Variants in EFR3A observed in about 807,000 individuals in gnomAD.
EFR3A encodes EFR3 homolog A.
In EFR3A, 76 loss-of-function variants were observed where a neutral mutation model predicts 104.4. That is an observed-to-expected ratio of 0.73 (90% CI 0.60 to 0.88). The LOEUF is 0.88. EFR3A is among the 40% of genes least tolerant of loss of function. EFR3A has a pLI of 0.00. For synonymous variants in EFR3A, 330 were observed against 330.0 expected (o/e 1.00, Z 0.00); for missense variants, 985 against 1,012.5 (o/e 0.97, Z 0.37).
chr8:131,944,742 T>C lies in EFR3A; in HGVS notation c.88-3T>C, dbSNP rs762250685. The stretch of plus-strand genomic sequence containing the variant: ...AATCTATTTATCTTGTTATTGTTTT[T>C]AGGATGGCCTTGTGAAAACTGATAT... On this transcript the variant is annotated splice_region_variant and splice_polypyrimidine_tract_variant and intron_variant, in intron 2 of 22. Coordinates refer to ENST00000254624, the MANE Select transcript of EFR3A (RefSeq NM_015137.6). 6 of 1,578,950 alleles carry C rather than the reference T, an allele frequency of 3.8e-6. No homozygotes were observed. Among genetic ancestry groups the C allele is most frequent in the East Asian group, 2.3e-5 (1 of 43,702 alleles).
At chr8:131,975,925 A>G in intron 10 of EFR3A, 102 bp from the exon 11 acceptor site, 2 of 665,348 alleles carry the variant, frequency 3.0e-6, no homozygotes, top group South Asian at 1.9e-5. Flanking sequence ...CTTGTGAGGG[A>G]TTGTTTTACC....
rs916740626 is a variant in EFR3A at position 131,986,335 on chromosome 8, A to G, written c.1937+74A>G. The stretch of plus-strand genomic sequence containing the variant: ...CCATCAGTAATAATTATAAAGGAGT[A>G]AATATTGTTACAATAATTCCTGGTG... On this transcript the variant is annotated intron_variant, in intron 17 of 22. Transcript: ENST00000254624. The G allele has an allele frequency of 1.1e-4, 78 of 688,708 alleles. 1 individual carries two copies. Among genetic ancestry groups the G allele is most frequent in the Non-Finnish European group, 1.4e-5 (6 of 415,034 alleles). 42.7% of individuals were successfully genotyped at this position (688,708 alleles called of 1,614,324 possible).
intron 5 of EFR3A, among the ~76,000 whole-genome samples, chr8:131,950,944 C>T (rs1033919373): frequency 6.6e-6 from 1 of 151,920 alleles, no homozygotes; most frequent in African/African-American, 2.4e-5. Flanking sequence ...TTAAGAAAGT[C>T]AAAATGACTT....
chr8:132,003,622 A>G (rs79450041), intron 22 of EFR3A, among the ~76,000 whole-genome samples: 5,452 of 152,286 alleles, frequency 0.036, 188 homozygotes, highest in African/African-American at 0.092. Context: ...CTCATATTGA[A>G]TCGTTTTGTC....
intron 1 of EFR3A, among the ~76,000 whole-genome samples, chr8:131,935,223 T>C (rs1412628066): frequency 6.6e-6 from 1 of 152,208 alleles, no homozygotes; most frequent in Non-Finnish European, 1.5e-5. Context: ...CAGTGTACTT[T>C]ATTGATTTTT....
At position 132,003,292 on chromosome 8, in the gene EFR3A, G is replaced by T. The variant is rs1300075020; in HGVS notation, c.2360+7G>T. ...TATTGGAACTCACCATACGGTAAGG[G>T]TTTTGTTATCACAATAGCAATAACA... On this transcript the variant is annotated splice_region_variant and intron_variant, in intron 22 of 22. Coordinates refer to ENST00000254624, the MANE Select transcript of EFR3A (RefSeq NM_015137.6). 20 of 1,611,086 alleles carry T rather than the reference G, an allele frequency of 1.2e-5. No homozygotes were observed. Among genetic ancestry groups the T allele is most frequent in the Admixed American group, 1.7e-5 (1 of 59,830 alleles).
rs397796331 is a variant in EFR3A, at chr8:131,940,480, A to ATT, written c.11-7_11-6dup. 8.1e-3 allele frequency: 11,085 copies of ATT among 1,367,964 alleles called. 9 individuals carry two copies. Among genetic ancestry groups the ATT allele is most frequent in the African/African-American group, 0.028 (1,869 of 67,554 alleles). The allele number at this position is 1,367,964 out of a possible 1,614,324, so 84.7% of individuals were successfully genotyped here. On this transcript the variant is annotated intron_variant, in intron 1 of 22. Transcript: ENST00000254624. The stretch of plus-strand genomic sequence containing the variant: ...ATATTAATAATATCTGTATTTCTTG[A>ATT]TTTTTTTTTTTTTAACAGGAGTATG...
chr8:131,974,185 G>A (rs1820212460), intron 10 of EFR3A, among the ~76,000 whole-genome samples: 1 of 152,146 alleles, frequency 6.6e-6, no homozygotes, highest in South Asian at 2.1e-4. Context: ...CTATGCATCA[G>A]CATGTTAAAA....
intron 1 of EFR3A, among the ~76,000 whole-genome samples, chr8:131,911,795 G>A (rs1401194222): frequency 2.0e-5 from 3 of 152,164 alleles, no homozygotes; most frequent in African/African-American, 4.8e-5. Context: ...AACTCAGCAA[G>A]GCCCATCTAG....
At chr8:131,993,423 C>A (rs889120462) in intron 18 of EFR3A, among the ~76,000 whole-genome samples, 1 of 152,028 alleles carries the variant, frequency 6.6e-6, no homozygotes, top group Non-Finnish European at 1.5e-5. Context: ...TGTCACATCC[C>A]CAGAAAGGGG....
intron 18 of EFR3A, 149 bp downstream of exon 18, chr8:131,987,851 G>GT (rs1319286494): frequency 1.2e-6 from 1 of 823,414 alleles, no homozygotes; most frequent in Non-Finnish European, 1.8e-6. Flanking sequence ...ATTTACTTCT[G>GT]TTTTTTAATT....
chr8:131,904,170 C>T lies in EFR3A; in HGVS notation c.-143C>T. 1.0e-6 allele frequency: 1 copy of T among 981,568 alleles called. No individual in the cohort carries two copies. The highest frequency in any genetic ancestry group is 1.3e-6 in the Non-Finnish European group (1 of 760,466). 60.8% of individuals were successfully genotyped at this position (981,568 alleles called of 1,614,324 possible). On this transcript the variant is annotated 5_prime_UTR_variant, in exon 1 of 23. Coordinates refer to ENST00000254624, the MANE Select transcript of EFR3A (RefSeq NM_015137.6). ...CTTGGTTGCGTGACCGCGGGGTCCG[C>T]GTCCGCTCCCTCCACCCTTCGCCCT...
At chr8:132,007,479 C>T (rs572510151) in intron 22 of EFR3A, among the ~76,000 whole-genome samples, 1 of 151,854 alleles carries the variant, frequency 6.6e-6, no homozygotes, top group South Asian at 2.1e-4. Flanking sequence ...AACACCTAAA[C>T]AAAGGAGAGA....
At chr8:131,941,175 T>G (rs1343289621) in intron 2 of EFR3A, among the ~76,000 whole-genome samples, 1 of 152,066 alleles carries the variant, frequency 6.6e-6, no homozygotes, top group African/African-American at 2.4e-5. Flanking sequence ...AAAGATTGTT[T>G]CAGGCAGAGT....
chr8:131,942,984 C>T (rs964923482), intron 2 of EFR3A, among the ~76,000 whole-genome samples: 5 of 152,056 alleles, frequency 3.3e-5, no homozygotes, highest in Admixed American at 3.3e-4. Context: ...CTGCAAAGGA[C>T]ATGGGAAATC....
chr8:132,001,626 C>A, intron 19 of EFR3A, 133 bp from the exon 20 acceptor site: 1 of 697,332 alleles, frequency 1.4e-6, no homozygotes, highest in Non-Finnish European at 2.5e-6. Context: ...AGTATAATCA[C>A]AGCTCACAGC....
chr8:131,947,061 G>C (rs1461680792), intron 4 of EFR3A, among the ~76,000 whole-genome samples: 1 of 151,986 alleles, frequency 6.6e-6, no homozygotes, highest in Non-Finnish European at 1.5e-5. Context: ...TATATACTTA[G>C]TAGTGTAATT....
At position 132,011,373 on chromosome 8, in the gene EFR3A, T is replaced by C; in HGVS notation, c.*478T>C. 1.0e-6 allele frequency: 1 copy of C among 986,214 alleles called. No homozygotes were observed. Among genetic ancestry groups the C allele is most frequent in the Non-Finnish European group, 1.2e-6 (1 of 830,438 alleles). The allele number at this position is 986,214 out of a possible 1,614,324, so 61.1% of individuals were successfully genotyped here. ...ACTGCAAAACTGTTCGGTGGCTTTTTGTCCCCATGCTTTAGATAAGCTGGG... is the reference window on the plus strand; with the variant it reads ...ACTGCAAAACTGTTCGGTGGCTTTTCGTCCCCATGCTTTAGATAAGCTGGG... On this transcript the variant is annotated 3_prime_UTR_variant, in exon 23 of 23. Coordinates refer to ENST00000254624, the MANE Select transcript of EFR3A (RefSeq NM_015137.6).
intron 1 of EFR3A, among the ~76,000 whole-genome samples, chr8:131,914,064 T>C (rs564950487): frequency 1.3e-5 from 2 of 152,234 alleles, no homozygotes; most frequent in Non-Finnish European, 2.9e-5. Context: ...AACATGTTGT[T>C]AGAATCAGCA....
Sources: allele counts gnomAD v4.1 joint callset (sites outside exome capture counted in the v4.1 genomes callset), GRCh38; gene constraint gnomAD v4.1.1; transcripts MANE v1.5; gene names NCBI Gene and HGNC (gene_info 2026-07-23, HGNC 2026-07-21).